TAF5L: variants seen among roughly 807,000 people sequenced by gnomAD.
The protein encoded by TAF5L is TATA-box binding protein associated factor 5 like, also known as TAF5-like RNA polymerase II p300/CBP-associated factor-associated factor 65 kDa subunit 5L.
TAF5L carries 7 observed loss-of-function variants against 51.3 expected under a neutral mutation model. The ratio of observed to expected loss-of-function variants is 0.14; its 90% CI spans 0.08 to 0.26. The LOEUF (loss-of-function observed/expected upper bound fraction) is 0.26, where lower values mean the gene tolerates loss of function less well. TAF5L is among the 10% of genes least tolerant of loss of function. The probability of loss-of-function intolerance (pLI) is 1.00; values close to 1 mark genes in which losing one functional copy is unlikely to be tolerated. For synonymous variants in TAF5L, 291 were observed against 308.1 expected, an observed-to-expected ratio of 0.94 and a Z score of 0.58; for missense variants, 575 against 758.9, an observed-to-expected ratio of 0.76 and a Z score of 2.85.
intron 2 of TAF5L, 185 bp downstream of exon 2, chr1:229,614,156 A>G: frequency 1.1e-6 from 1 of 900,188 alleles, no homozygotes; most frequent in Non-Finnish European, 1.8e-6. Context: ...CAATGTGAGC[A>G]CCGCTCTAAA....
chr1:229,595,056 T>C, exon 5 of TAF5L: 2 of 1,610,848 alleles, frequency 1.2e-6, no homozygotes, highest in Non-Finnish European at 1.7e-6. Context: ...GGCCCCGCAG[T>C]ATCTTCATCT....
chr1:229,623,655 C>T (rs765639004), intron 1 of TAF5L, among the ~76,000 whole-genome samples: 1 of 152,244 alleles, frequency 6.6e-6, no homozygotes, highest in Non-Finnish European at 1.5e-5. Flanking sequence ...ACTACCACTA[C>T]GAATACTTAA....
chr1:229,614,243 TG>T (rs1247023196), intron 2 of TAF5L, 97 bp downstream of exon 2: 1 of 1,607,024 alleles, frequency 6.2e-7, no homozygotes, highest in Non-Finnish European at 8.5e-7. Flanking sequence ...CTGCTCTCTC[TG>T]GCACTGTCTT....
At chr1:229,604,697 C>G (rs1558148222) in intron 3 of TAF5L, among the ~76,000 whole-genome samples, 1 of 152,116 alleles carries the variant, frequency 6.6e-6, no homozygotes, top group Non-Finnish European at 1.5e-5. Context: ...GGTCACCCCA[C>G]CAGGTAAACC....
intron 3 of TAF5L, among the ~76,000 whole-genome samples, chr1:229,603,461 T>G (rs1032611780): frequency 2.0e-5 from 3 of 152,244 alleles, no homozygotes; most frequent in Non-Finnish European, 4.4e-5. Flanking sequence ...TGTGATTACT[T>G]TTGGCATCCA....
At chr1:229,623,196 C>T (rs1166734644) in intron 1 of TAF5L, among the ~76,000 whole-genome samples, 2 of 152,218 alleles carry the variant, frequency 1.3e-5, no homozygotes, top group South Asian at 2.1e-4. Context: ...ATCGCTTGAA[C>T]CCGGAAGGCG....
chr1:229,606,184 G>C, intron 3 of TAF5L: 3 of 985,368 alleles, frequency 3.0e-6, no homozygotes, highest in Non-Finnish European at 3.6e-6. Flanking sequence ...TGTCTGAAGA[G>C]AACAGTATGC....
Position 229,618,890 on chromosome 1 carries a change from T to C in TAF5L, c.-3-4405A>G, listed in dbSNP as rs1447146946. Among the ~76,000 whole-genome samples, 4 of 151,714 alleles carry C rather than the reference T, an allele frequency of 2.6e-5. No homozygotes were observed. In the South Asian group the frequency reaches 6.3e-4, roughly 24 times the overall value. ...GAGTACTACCTGGCTCCCCCATCCCTCCCCCTGCCCCAATAAGGTGGCAGT... is the reference window on the plus strand; with the variant it reads ...GAGTACTACCTGGCTCCCCCATCCCCCCCCCTGCCCCAATAAGGTGGCAGT... On this transcript the variant is annotated intron_variant, in intron 1 of 4. Transcript: ENST00000258281.
Position 229,625,586 on chromosome 1 carries a change from C to T in TAF5L, c.-4+299G>A, listed in dbSNP as rs1242381733. ...TCCTCCCCGAGCCCGGCATCCAACC[C>T]GCAGGACCCACCCCTGCGCAGGAAC... On this transcript the variant is annotated intron_variant, in intron 1 of 4. Coordinates refer to ENST00000258281, the Ensembl canonical transcript of TAF5L. The surrounding 1 kb of genome is among the most constrained non-coding windows in gnomAD (Gnocchi z 4.0). Among the ~76,000 whole-genome samples, 1 of 151,966 alleles carries T rather than the reference C, an allele frequency of 6.6e-6. No individual in the cohort carries two copies. Among genetic ancestry groups the T allele is most frequent in the Non-Finnish European group, 1.5e-5 (1 of 67,936 alleles).
Position 229,594,565 on chromosome 1 carries a change from G to A in TAF5L, c.1502C>T (p.Thr501Ile). The A allele has an allele frequency of 1.2e-6, 2 of 1,614,172 alleles. No individual in the cohort carries two copies. Among genetic ancestry groups the A allele is most frequent in the Non-Finnish European group, 1.7e-6 (2 of 1,180,026 alleles). Reference sequence around the variant, plus strand: ...GTGGCCTCTCAACTCTTTATAAAGGGTCCCAGAGGCCAAGTCCCACAGCTT... The same window carrying A: ...GTGGCCTCTCAACTCTTTATAAAGGATCCCAGAGGCCAAGTCCCACAGCTT... The change falls in exon 5 of 5, where the codon ACC (threonine) becomes ATC (isoleucine). Residue 501 changes from threonine (T) to isoleucine (I), a missense_variant. Physicochemically the swap from Thr to Ile is moderately conservative, Grantham distance 89 (BLOSUM62 -1). Coordinates refer to ENST00000258281, the Ensembl canonical transcript of TAF5L. This position sits in a 1 kb window ranked among gnomAD's most constrained non-coding sequence, Gnocchi z 7.9.
Position 229,594,137 on chromosome 1 carries a change from C to A in TAF5L, c.*160G>T. ...CCCTCCCCAACCTTGGCCTTCGACA[C>A]TGGGGGGCTGAGTGAAGGGGGACCT... is the stretch of plus-strand genomic sequence containing the variant. On this transcript the variant is annotated 3_prime_UTR_variant, in exon 5 of 5. Transcript: ENST00000258281. This position sits in a 1 kb window ranked among gnomAD's most constrained non-coding sequence, Gnocchi z 7.9. 2.5e-6 allele frequency: 2 copies of A among 809,172 alleles called. No homozygotes were observed. The highest frequency in any genetic ancestry group is 1.7e-5 in the African/African-American group (1 of 57,504). 50.1% of individuals were successfully genotyped at this position (809,172 alleles called of 1,614,324 possible). A position where few individuals can be genotyped will look rare whatever the true frequency, so the allele number is the denominator to read the frequency against.
chr1:229,619,612 T>G (rs1388573873), intron 1 of TAF5L, among the ~76,000 whole-genome samples: 1 of 152,182 alleles, frequency 6.6e-6, no homozygotes, highest in Non-Finnish European at 1.5e-5. Context: ...CCCTACAGCC[T>G]TCCACCTACG....
chr1:229,594,387 G>T lies in TAF5L; in HGVS notation c.1680C>A (p.Thr560=), dbSNP rs771965136. 1 of 1,614,164 alleles carries T rather than the reference G, an allele frequency of 6.2e-7. No homozygotes were observed. Among genetic ancestry groups the T allele is most frequent in the Non-Finnish European group, 8.5e-7 (1 of 1,180,042 alleles). The stretch of plus-strand genomic sequence containing the variant: ...CGCTCAGGACGTTGCTCATCTGCCC[G>T]GTGTACACGCCCACGAGCTCGCTGG... Residue 560 remains threonine (T), a synonymous_variant, in exon 5 of 5, where the codon ACC becomes ACA. Coordinates refer to ENST00000258281, the Ensembl canonical transcript of TAF5L. The surrounding 1 kb of genome is among the most constrained non-coding windows in gnomAD (Gnocchi z 7.9).
chr1:229,596,967 A>C (rs1416417124), intron 4 of TAF5L, among the ~76,000 whole-genome samples: 3 of 152,260 alleles, frequency 2.0e-5, no homozygotes, highest in African/African-American at 7.2e-5. Context: ...ATAAACACTG[A>C]TGTCCATGAA....
At chr1:229,595,155 C>T in intron 4 of TAF5L, 61 bp from the exon 5 acceptor site, 3 of 1,491,410 alleles carry the variant, frequency 2.0e-6, no homozygotes, top group Non-Finnish European at 2.7e-6. Context: ...AGTGGTCTGA[C>T]AAGGAAAACA....
At chr1:229,607,432 C>G (rs954453201) in intron 3 of TAF5L, 152 of 985,318 alleles carry the variant, frequency 1.5e-4, no homozygotes, top group Non-Finnish European at 1.7e-4. Flanking sequence ...ACAACAAAGC[C>G]TTAGTTGTTC....
intron 1 of TAF5L, among the ~76,000 whole-genome samples, chr1:229,615,779 G>A (rs537337332): frequency 1.3e-5 from 2 of 152,236 alleles, no homozygotes; most frequent in African/African-American, 4.8e-5. Flanking sequence ...GTTCACTTCT[G>A]TCATGTAAAA....
intron 1 of TAF5L, among the ~76,000 whole-genome samples, chr1:229,615,420 C>G (rs965656768): frequency 6.6e-6 from 1 of 152,064 alleles, no homozygotes; most frequent in African/African-American, 2.4e-5. Flanking sequence ...TATTATTTAC[C>G]TTTTTTGCTC....
At chr1:229,605,128 A>ATATATATATATATATATATATATTTT (rs1340196774) in intron 3 of TAF5L, among the ~76,000 whole-genome samples, 1 of 145,096 alleles carries the variant, frequency 6.9e-6, no homozygotes, top group African/African-American at 2.6e-5. Flanking sequence ...ATATATATGT[A>ATATATATATATATATATATATATTTT]TTTTTTTTTT....
Sources: gnomAD v4.1 joint callset for allele counts (sites outside exome capture counted in the v4.1 genomes callset) on GRCh38, gnomAD v4.1.1 for gene constraint, Gnocchi (gnomAD v3.1) non-coding constraint, MANE v1.5 for transcripts, NCBI Gene and HGNC (gene_info 2026-07-23, HGNC 2026-07-21) for gene names.